CNTNAP2: variants seen among roughly 807,000 people sequenced by gnomAD.
The protein encoded by CNTNAP2 is contactin-associated protein-like 2.
CNTNAP2 carries 98 observed loss-of-function variants against 155.2 expected under a neutral mutation model. The observed-to-expected ratio is 0.63, with a 90% CI of 0.54 to 0.75. The LOEUF (loss-of-function observed/expected upper bound fraction) is 0.75, where lower values mean the gene tolerates loss of function less well. CNTNAP2 is among the 30% of genes least tolerant of loss of function. CNTNAP2 has a pLI of 0.00. For synonymous variants in CNTNAP2, 651 were observed against 631.2 expected (o/e 1.03, Z -0.47); for missense variants, 1,727 against 1,688.1 (o/e 1.02, Z -0.40).
At chr7:147,658,556 T>G (rs1320653512) in intron 13 of CNTNAP2, among the ~76,000 whole-genome samples, 1 of 152,168 alleles carries the variant, frequency 6.6e-6, no homozygotes, top group Non-Finnish European at 1.5e-5. Flanking sequence ...AGTGTATTGC[T>G]GAAAGGACTG....
chr7:147,839,173 G>T (rs1798682385), intron 13 of CNTNAP2, among the ~76,000 whole-genome samples: 1 of 152,060 alleles, frequency 6.6e-6, no homozygotes, highest in South Asian at 2.1e-4. Flanking sequence ...GGCTATGCTG[G>T]CAGGTGATTA....
chr7:147,606,920 C>G (rs374113167), intron 12 of CNTNAP2, among the ~76,000 whole-genome samples: 1 of 81,508 alleles, frequency 1.2e-5, no homozygotes, highest in Admixed American at 1.4e-4. Context: ...TTTTGATAAG[C>G]CTCACAGAGA....
chr7:147,998,192 A>C (rs1302944574), intron 15 of CNTNAP2, among the ~76,000 whole-genome samples: 1 of 134,784 alleles, frequency 7.4e-6, no homozygotes, highest in Non-Finnish European at 1.5e-5. Context: ...GCTCCCTGCA[A>C]CCTCTGCCTC....
chr7:147,725,720 G>A (rs1015342846), intron 13 of CNTNAP2, among the ~76,000 whole-genome samples: 13 of 152,042 alleles, frequency 8.6e-5, no homozygotes, highest in African/African-American at 1.7e-4. Flanking sequence ...GTAAAGGTCC[G>A]AGGTTTCCAT....
At position 146,236,170 on chromosome 7, in the gene CNTNAP2, T is replaced by C. The variant is rs141240905; in HGVS notation, c.97+119197T>C. On this transcript the variant is annotated intron_variant, in intron 1 of 23. Coordinates refer to ENST00000361727, the MANE Select transcript of CNTNAP2 (RefSeq NM_014141.6). ...TTTTGTTATTCAATGATGGTTCAAC[T>C]ATTTCACCAAGAATTAAATAGAAGT... Among the ~76,000 whole-genome samples, 506 of 152,284 alleles carry C rather than the reference T, an allele frequency of 3.3e-3. 2 individuals are homozygous for C. Among genetic ancestry groups the C allele is most frequent in the South Asian group, 0.011 (52 of 4,826 alleles).
chr7:146,300,177 A>G (rs1584856107), intron 1 of CNTNAP2, among the ~76,000 whole-genome samples: 1 of 152,208 alleles, frequency 6.6e-6, no homozygotes, highest in South Asian at 2.1e-4. Flanking sequence ...CTATAAGAAC[A>G]AAGAATATAT....
chr7:148,362,945 T>C (rs537721926), intron 21 of CNTNAP2, among the ~76,000 whole-genome samples: 1 of 152,336 alleles, frequency 6.6e-6, no homozygotes, highest in East Asian at 1.9e-4. Context: ...CTTTTCATTT[T>C]CCCTACAGTA....
At chr7:147,582,785 A>G (rs1320558727) in intron 12 of CNTNAP2, among the ~76,000 whole-genome samples, 1 of 152,138 alleles carries the variant, frequency 6.6e-6, no homozygotes, top group African/African-American at 2.4e-5. Context: ...AACTAACCAT[A>G]TCCTACCCTG....
intron 3 of CNTNAP2, among the ~76,000 whole-genome samples, chr7:146,845,271 A>G (rs1355853722): frequency 6.6e-6 from 1 of 152,188 alleles, no homozygotes; most frequent in African/African-American, 2.4e-5. Flanking sequence ...GTTCTCAAAA[A>G]CATCCTTTTG....
At chr7:146,892,247 C>T (rs1204952703) in intron 3 of CNTNAP2, among the ~76,000 whole-genome samples, 1 of 152,098 alleles carries the variant, frequency 6.6e-6, no homozygotes, top group Non-Finnish European at 1.5e-5. Context: ...TGGGCATTTC[C>T]ATAGGTTACT....
chr7:146,340,571 C>A (rs1801365468), intron 1 of CNTNAP2, among the ~76,000 whole-genome samples: 1 of 151,986 alleles, frequency 6.6e-6, no homozygotes, highest in African/African-American at 2.4e-5. Flanking sequence ...TGTTATTTAT[C>A]TCAAATTCAA....
chr7:147,394,698 T>C (rs988599396), intron 9 of CNTNAP2, among the ~76,000 whole-genome samples: 6 of 151,904 alleles, frequency 3.9e-5, no homozygotes, highest in African/African-American at 1.4e-4. Flanking sequence ...TAAAAAGATA[T>C]AATAGTAATT....
intron 21 of CNTNAP2, among the ~76,000 whole-genome samples, chr7:148,383,172 T>C (rs1470760134): frequency 2.0e-5 from 3 of 148,590 alleles, no homozygotes; most frequent in Non-Finnish European, 4.4e-5. Context: ...ACGTACAGGC[T>C]ACTAGAATTC....
rs1794916220 is a variant in CNTNAP2, at chr7:147,623,895, T to C, written c.1898-15211T>C. 1.3e-5 allele frequency among the ~76,000 whole-genome samples: 2 copies of C among 152,022 alleles called. 1 individual carries two copies. The highest frequency in any genetic ancestry group is 4.1e-4 in the South Asian group (2 of 4,826). On this transcript the variant is annotated intron_variant, in intron 12 of 23. Coordinates refer to ENST00000361727, the MANE Select transcript of CNTNAP2 (RefSeq NM_014141.6). Reference sequence around the variant, plus strand: ...CAGAGCTAGAGTAACCAAAACAGCATGGTACAGCATAAAAACAGACATGTA... The same window carrying C: ...CAGAGCTAGAGTAACCAAAACAGCACGGTACAGCATAAAAACAGACATGTA...
At chr7:146,967,291 T>C (rs1584754528) in intron 3 of CNTNAP2, among the ~76,000 whole-genome samples, 1 of 152,208 alleles carries the variant, frequency 6.6e-6, no homozygotes, top group Admixed American at 6.6e-5. Flanking sequence ...CCTATATATT[T>C]CCTTTCAAAC....
chr7:146,844,021 T>C (rs1266095889), intron 3 of CNTNAP2, among the ~76,000 whole-genome samples: 1 of 151,178 alleles, frequency 6.6e-6, no homozygotes, highest in Non-Finnish European at 1.5e-5. Flanking sequence ...TCCATGGTTA[T>C]GTTTTTCTGA....
chr7:146,599,790 T>A (rs372328294), intron 1 of CNTNAP2, among the ~76,000 whole-genome samples: 1 of 89,870 alleles, frequency 1.1e-5, no homozygotes, highest in African/African-American at 4.4e-5. Flanking sequence ...AGATCTCTAG[T>A]TTTATGTACT....
At chr7:146,356,412 A>T (rs1227610592) in intron 1 of CNTNAP2, among the ~76,000 whole-genome samples, 2 of 152,168 alleles carry the variant, frequency 1.3e-5, no homozygotes, top group African/African-American at 2.4e-5. Flanking sequence ...GTTTAACCGA[A>T]CATAGCCTGT....
intron 3 of CNTNAP2, among the ~76,000 whole-genome samples, chr7:146,931,675 T>C (rs1449481706): frequency 5.4e-5 from 8 of 149,126 alleles, no homozygotes; most frequent in Admixed American, 4.0e-4. Context: ...ATCAACAAAA[T>C]TGATAGACCG....
Sources: gnomAD v4.1 joint callset for allele counts (sites outside exome capture counted in the v4.1 genomes callset) on GRCh38, gnomAD v4.1.1 for gene constraint, MANE v1.5 for transcripts, NCBI Gene and HGNC (gene_info 2026-07-23, HGNC 2026-07-21) for gene names.